SPP2: variants seen among roughly 807,000 people sequenced by gnomAD.
SPP2 encodes the protein secreted phosphoprotein 24.
In SPP2, 34 loss-of-function variants were observed where a neutral mutation model predicts 28.8. That is an observed-to-expected ratio of 1.18 (90% CI 0.90 to 1.57). The LOEUF (loss-of-function observed/expected upper bound fraction) is 1.57, where lower values mean the gene tolerates loss of function less well. Among genes scored for constraint, SPP2 ranks in the 40% most tolerant of loss-of-function variants. SPP2 has a pLI of 0.00. For missense variants in SPP2, 269 were observed against 263.9 expected (o/e 1.02, Z -0.13); for synonymous variants, 96 against 89.4 (o/e 1.07, Z -0.42).
chr2:234,050,938 G>T, intron 1 of SPP2, 33 bp from the exon 2 acceptor site: 1 of 1,613,950 alleles, frequency 6.2e-7, no homozygotes. Context: ...CCTGTGTCTT[G>T]TCTCACTGTG....
chr2:234,052,868 G>A (rs1693526751), intron 2 of SPP2, among the ~76,000 whole-genome samples: 1 of 152,080 alleles, frequency 6.6e-6, no homozygotes, highest in Non-Finnish European at 1.5e-5. Flanking sequence ...TATTGGGAGT[G>A]TTTCATATTT....
intron 6 of SPP2, among the ~76,000 whole-genome samples, chr2:234,068,143 C>T (rs11563007): frequency 0.1 from 15,343 of 152,178 alleles, 1,339 homozygotes; most frequent in East Asian, 0.43. Context: ...CTGTCAACCA[C>T]GTGTGTTACC....
intron 4 of SPP2, 80 bp downstream of exon 4, chr2:234,060,559 G>A (rs1276809719): frequency 4.3e-6 from 5 of 1,150,776 alleles, no homozygotes; most frequent in Admixed American, 4.7e-5. Flanking sequence ...GTGGTTTGCT[G>A]GGTAGCTGGA....
chr2:234,059,952 A>T (rs1693685172), intron 3 of SPP2, among the ~76,000 whole-genome samples: 1 of 152,184 alleles, frequency 6.6e-6, no homozygotes, highest in Non-Finnish European at 1.5e-5. Flanking sequence ...TATTTGTTTC[A>T]TGAAACTACT....
chr2:234,070,133 GC>G (rs1284328301), intron 7 of SPP2, 110 bp downstream of exon 7: 3 of 804,088 alleles, frequency 3.7e-6, no homozygotes, highest in African/African-American at 1.7e-5. Context: ...TCAAATCCTT[GC>G]TTTTCGGCTT....
rs987705052 is a variant in SPP2 at position 234,051,225 on chromosome 2, T to A, written c.210+130T>A. 21 of 1,250,618 alleles carry A rather than the reference T, an allele frequency of 1.7e-5. No individual in the cohort carries two copies. In the African/African-American group the frequency reaches 2.7e-4, roughly 16 times the overall value. 77.5% of individuals were successfully genotyped at this position (1,250,618 alleles called of 1,614,324 possible). A position where few individuals can be genotyped will look rare whatever the true frequency, so the allele number is the denominator to read the frequency against. On this transcript the variant is annotated intron_variant, in intron 2 of 7. Coordinates refer to ENST00000168148, the MANE Select transcript of SPP2 (RefSeq NM_006944.3). ...TAGTAGCTAGTCATCTCTTTCATAC[T>A]GTCTCTTTTCTTTGACAGAGAAAGA...
chr2:234,068,314 T>C (rs1693867707), intron 6 of SPP2, among the ~76,000 whole-genome samples: 1 of 152,234 alleles, frequency 6.6e-6, no homozygotes, highest in East Asian at 1.9e-4. Context: ...GTGAGCTAAC[T>C]GAGGCTTAGT....
At chr2:234,063,612 A>G (rs1302135588) in intron 4 of SPP2, among the ~76,000 whole-genome samples, 1 of 152,220 alleles carries the variant, frequency 6.6e-6, no homozygotes. Context: ...TTCAATCCCG[A>G]AATTGAAATG....
chr2:234,055,895 A>G (rs1164639733), intron 2 of SPP2, among the ~76,000 whole-genome samples: 2 of 151,426 alleles, frequency 1.3e-5, no homozygotes, highest in Non-Finnish European at 2.9e-5. Flanking sequence ...TTTTATGAGT[A>G]TCTTGGTAAG....
chr2:234,076,236 G>A (rs1012284104), intron 7 of SPP2, among the ~76,000 whole-genome samples: 2 of 152,046 alleles, frequency 1.3e-5, no homozygotes, highest in African/African-American at 2.4e-5. Flanking sequence ...TCTGTCTCCC[G>A]AGTCACATGG....
chr2:234,065,518 A>G (rs1227185268), intron 4 of SPP2, among the ~76,000 whole-genome samples: 2 of 152,146 alleles, frequency 1.3e-5, no homozygotes, highest in Non-Finnish European at 2.9e-5. Flanking sequence ...GGCCTCAGCT[A>G]GTCTGCCTGC....
At chr2:234,071,693 C>T (rs1437017197) in intron 7 of SPP2, among the ~76,000 whole-genome samples, 1 of 152,214 alleles carries the variant, frequency 6.6e-6, no homozygotes, top group Non-Finnish European at 1.5e-5. Context: ...GTGTAGCTCA[C>T]AATGGCTTTC....
chr2:234,065,706 GT>G (rs1693805570), intron 4 of SPP2, among the ~76,000 whole-genome samples: 1 of 151,950 alleles, frequency 6.6e-6, no homozygotes, highest in Non-Finnish European at 1.5e-5. Context: ...TTATTTAGTT[GT>G]TTTGAAATAT....
chr2:234,051,370 G>A (rs1412386786), intron 2 of SPP2, among the ~76,000 whole-genome samples: 2 of 152,138 alleles, frequency 1.3e-5, no homozygotes, highest in South Asian at 2.1e-4. Context: ...TGTACTTGAA[G>A]TCCTCGCGAT....
intron 7 of SPP2, among the ~76,000 whole-genome samples, chr2:234,072,100 A>G (rs1308473859): frequency 6.6e-6 from 1 of 152,254 alleles, no homozygotes; most frequent in Non-Finnish European, 1.5e-5. Flanking sequence ...TTTTAAGTGA[A>G]TGAAATCCTT....
At chr2:234,057,465 C>T (rs188380189) in intron 2 of SPP2, among the ~76,000 whole-genome samples, 4 of 152,316 alleles carry the variant, frequency 2.6e-5, no homozygotes, top group South Asian at 2.1e-4. Flanking sequence ...ATTTTTCTGG[C>T]ATTTTCTCTA....
chr2:234,072,658 G>A (rs1479021412), intron 7 of SPP2, among the ~76,000 whole-genome samples: 2 of 152,018 alleles, frequency 1.3e-5, no homozygotes. Flanking sequence ...CCTTTAGCAG[G>A]GCAGGTTTCT....
chr2:234,075,558 C>T (rs554779378), intron 7 of SPP2, among the ~76,000 whole-genome samples: 3 of 152,310 alleles, frequency 2.0e-5, no homozygotes, highest in Non-Finnish European at 4.4e-5. Flanking sequence ...GGTCCCCTCT[C>T]AGGCCAAGAC....
intron 6 of SPP2, among the ~76,000 whole-genome samples, chr2:234,069,483 C>T (rs921103246): frequency 6.6e-6 from 1 of 152,162 alleles, no homozygotes; most frequent in Non-Finnish European, 1.5e-5. Context: ...GAAGAAATTT[C>T]TAAGCCAAAA....
Sources: gnomAD v4.1 joint callset for allele counts (sites outside exome capture counted in the v4.1 genomes callset) on GRCh38, gnomAD v4.1.1 for gene constraint, MANE v1.5 for transcripts, NCBI Gene and HGNC (gene_info 2026-07-23, HGNC 2026-07-21) for gene names.